SCAI: variants seen among roughly 807,000 people sequenced by gnomAD.
SCAI encodes protein SCAI.
A neutral mutation model predicts 92.2 loss-of-function variants in SCAI; 24 were observed. That is an observed-to-expected ratio of 0.26 (90% CI 0.19 to 0.37). SCAI has a LOEUF of 0.37. SCAI is among the 10% of genes least tolerant of loss of function. The pLI, the probability that SCAI is intolerant of heterozygous loss-of-function variation, is 1.00. For missense variants in SCAI, 450 were observed against 736.2 expected, an observed-to-expected ratio of 0.61 and a Z score of 4.50; for synonymous variants, 261 against 258.6, an observed-to-expected ratio of 1.01 and a Z score of -0.09.
intron 6 of SCAI, 27 bp from the exon 7 acceptor site, chr9:125,020,796 C>A: frequency 1.0e-6 from 1 of 1,002,594 alleles, no homozygotes; most frequent in South Asian, 1.5e-5. Context: ...AAAAATTACT[C>A]ATTAGATTAA....
At chr9:124,973,205 T>G (rs942063288) in intron 15 of SCAI, among the ~76,000 whole-genome samples, 1 of 152,242 alleles carries the variant, frequency 6.6e-6, no homozygotes, top group African/African-American at 2.4e-5. Flanking sequence ...AGTACTGATA[T>G]GTGGAATTTT....
chr9:124,967,103 G>A (rs1672776780), intron 17 of SCAI, among the ~76,000 whole-genome samples: 1 of 152,004 alleles, frequency 6.6e-6, no homozygotes, highest in South Asian at 2.1e-4. Context: ...ATAAAGTGCA[G>A]GTCAGTAAAA....
intron 2 of SCAI, among the ~76,000 whole-genome samples, chr9:125,072,168 C>T (rs1176692705): frequency 2.0e-5 from 3 of 152,004 alleles, no homozygotes; most frequent in Admixed American, 6.6e-5. Context: ...GGACTACAGG[C>T]GGGCACCACC....
rs928447025 is a variant in SCAI at position 125,061,139 on chromosome 9, T to A, written c.99-5132A>T. On this transcript the variant is annotated intron_variant, in intron 2 of 17. Transcript: ENST00000336505. ...GATGAAACCCTGTCTCTACTAAAAA[T>A]ACAAAAAATTAGCTGGGCGTGGTGG... Among the ~76,000 whole-genome samples the A allele has an allele frequency of 3.3e-5, 5 of 151,922 alleles. 1 individual carries two copies. Among genetic ancestry groups the A allele is most frequent in the Admixed American group, 3.3e-4 (5 of 15,260 alleles).
At position 125,029,628 on chromosome 9, in the gene SCAI, T is replaced by C; in HGVS notation, c.326+16A>G. The C allele has an allele frequency of 6.4e-7, 1 of 1,560,872 alleles. No individual in the cohort carries two copies. On this transcript the variant is annotated intron_variant, in intron 4 of 17. Transcript: ENST00000336505. ...AAACAGGCCTTCACTCTCCTTTAAC[T>C]ATAAAATTCATTTACCGATGCTGCT...
intron 9 of SCAI, among the ~76,000 whole-genome samples, chr9:125,008,876 AAAG>A (rs1409432581): frequency 6.6e-6 from 1 of 152,144 alleles, no homozygotes; most frequent in Non-Finnish European, 1.5e-5. Flanking sequence ...CAGGATAAAT[AAAG>A]AAAACTGCAC....
At chr9:125,122,865 C>T (rs1270662108) in intron 2 of SCAI, among the ~76,000 whole-genome samples, 1 of 152,152 alleles carries the variant, frequency 6.6e-6, no homozygotes, top group Non-Finnish European at 1.5e-5. Context: ...AAGATCGCAC[C>T]ACCGCATTGC....
At chr9:124,977,934 T>C (rs1831795736) in intron 14 of SCAI, among the ~76,000 whole-genome samples, 1 of 152,102 alleles carries the variant, frequency 6.6e-6, no homozygotes, top group South Asian at 2.1e-4. Context: ...AAGATGTAAA[T>C]GTAAAAAATT....
intron 2 of SCAI, among the ~76,000 whole-genome samples, chr9:125,076,327 C>T: frequency 6.6e-6 from 1 of 150,570 alleles, no homozygotes; most frequent in Middle Eastern, 3.3e-3. Context: ...GGTGAGACCC[C>T]ATTGCTACTA....
rs758916148 is a variant in SCAI at position 124,952,792 on chromosome 9, A to T, written c.*15T>A. ...GTGGAAAATGAAAACTTGTTTCGAC[A>T]ACAGGGTTTTTGTTTTAATAGTCAT... is the stretch of plus-strand genomic sequence containing the variant. On this transcript the variant is annotated 3_prime_UTR_variant, in exon 18 of 18. Coordinates refer to ENST00000336505, the MANE Select transcript of SCAI (RefSeq NM_001144877.3). The T allele has an allele frequency of 2.5e-6, 4 of 1,599,684 alleles. No individual in the cohort carries two copies. The African/African-American group carries it at 5.4e-5, about 22-fold the overall frequency.
chr9:125,070,048 T>C (rs1833950175), intron 2 of SCAI, among the ~76,000 whole-genome samples: 1 of 152,112 alleles, frequency 6.6e-6, no homozygotes, highest in African/African-American at 2.4e-5. Flanking sequence ...CTCTTAAAGT[T>C]GTTGCACAAA....
At chr9:124,953,675 A>C (rs572468015) in intron 17 of SCAI, among the ~76,000 whole-genome samples, 1 of 151,200 alleles carries the variant, frequency 6.6e-6, no homozygotes, top group South Asian at 2.2e-4. Flanking sequence ...AGCCTCCCAA[A>C]GTGTTGGGAT....
intron 10 of SCAI, 85 bp downstream of exon 10, chr9:125,003,384 T>C (rs1832405451): frequency 9.6e-7 from 1 of 1,039,288 alleles, no homozygotes; most frequent in Middle Eastern, 2.0e-4. Flanking sequence ...TTCAAGGCTG[T>C]AGTATCTGTT....
chr9:125,102,229 T>C (rs772194393), intron 2 of SCAI, among the ~76,000 whole-genome samples: 6 of 152,230 alleles, frequency 3.9e-5, no homozygotes, highest in African/African-American at 7.2e-5. Context: ...TATGCTTCCA[T>C]AGGAAAATAA....
At chr9:125,058,400 A>G (rs1490882279) in intron 2 of SCAI, among the ~76,000 whole-genome samples, 1 of 152,200 alleles carries the variant, frequency 6.6e-6, no homozygotes, top group Non-Finnish European at 1.5e-5. Context: ...TGCAGTCCCC[A>G]GCTACTAGGA....
rs1831144071 is a variant in SCAI, at chr9:124,946,268, T to A, written c.*6539A>T. On this transcript the variant is annotated 3_prime_UTR_variant, in exon 18 of 18. Coordinates refer to ENST00000336505, the MANE Select transcript of SCAI (RefSeq NM_001144877.3). This position sits in a 1 kb window ranked among gnomAD's most constrained non-coding sequence, Gnocchi z 4.0. The stretch of plus-strand genomic sequence containing the variant: ...GAAATAATAAATTACCAAATTTTAA[T>A]ATTTATTCAAGAAAAATGCTGTTAT... The A allele has an allele frequency of 1.3e-5, 2 of 152,212 alleles. No homozygotes were observed. Among genetic ancestry groups the A allele is most frequent in the Non-Finnish European group, 2.9e-5 (2 of 68,040 alleles). 9.4% of individuals were successfully genotyped at this position (152,212 alleles called of 1,614,324 possible).
chr9:125,012,599 T>G (rs1034233790), intron 9 of SCAI, among the ~76,000 whole-genome samples: 21 of 152,086 alleles, frequency 1.4e-4, no homozygotes, highest in African/African-American at 5.1e-4. Context: ...AACACCCCAC[T>G]GTCAACATTA....
At chr9:125,117,965 T>C (rs1418232780) in intron 2 of SCAI, among the ~76,000 whole-genome samples, 1 of 152,172 alleles carries the variant, frequency 6.6e-6, no homozygotes, top group African/African-American at 2.4e-5. Context: ...ATGTGAATAA[T>C]GCCCCCATCT....
intron 14 of SCAI, among the ~76,000 whole-genome samples, chr9:124,987,618 A>G (rs1832024459): frequency 6.6e-6 from 1 of 152,192 alleles, no homozygotes; most frequent in Non-Finnish European, 1.5e-5. Context: ...TTCCTCAAGT[A>G]CAAAATAAGG....
Sources: allele counts gnomAD v4.1 joint callset (sites outside exome capture counted in the v4.1 genomes callset), GRCh38; gene constraint gnomAD v4.1.1; non-coding constraint Gnocchi (gnomAD v3.1); transcripts MANE v1.5; gene names NCBI Gene and HGNC (gene_info 2026-07-23, HGNC 2026-07-21).